The following SPTBN5 variants were observed in gnomAD, a reference collection of about 807,000 sequenced individuals.
The protein encoded by SPTBN5 is spectrin beta, non-erythrocytic 5.
Under a neutral mutation model 477.6 loss-of-function variants are expected in SPTBN5, and 513 were observed. The observed-to-expected ratio is 1.07, with a 90% CI of 1.00 to 1.16. The LOEUF (loss-of-function observed/expected upper bound fraction) is 1.16. SPTBN5 is among the 50% of genes most tolerant of loss of function. The pLI is 0.00. For missense variants in SPTBN5, 5,062 were observed against 4,731.8 expected, an observed-to-expected ratio of 1.07 and a Z score of -2.05; for synonymous variants, 2,169 against 2,011.7, an observed-to-expected ratio of 1.08 and a Z score of -2.09.
intron 11 of SPTBN5, 37 bp downstream of exon 11, chr15:41,882,232 G>GGCCCCCCCCCCCCCCCC: frequency 2.4e-6 from 3 of 1,254,126 alleles, no homozygotes; most frequent in Non-Finnish European, 3.2e-6. Flanking sequence ...GCCTCGCCGG[G>GGCCCCCCCCCCCCCCCC]CCCCGCCCCC....
chr15:41,853,239 C>T lies in SPTBN5; in HGVS notation c.10170+19G>A, dbSNP rs1416969244. 1.1e-5 allele frequency: 17 copies of T among 1,569,436 alleles called. No homozygotes were observed. Among genetic ancestry groups the T allele is most frequent in the Non-Finnish European group, 1.5e-5 (17 of 1,150,022 alleles). On this transcript the variant is annotated intron_variant, in intron 59 of 67. Coordinates refer to ENST00000320955, the MANE Select transcript of SPTBN5 (RefSeq NM_016642.4). ...CTGTATCCCCAGCCCAACCCCAGGC[C>T]CACCCTCTGAGTTCACACCTCCGCA... is the stretch of plus-strand genomic sequence containing the variant.
intron 61 of SPTBN5, 38 bp from the exon 62 acceptor site, chr15:41,852,354 C>T (rs757580218): frequency 2.0e-5 from 30 of 1,523,152 alleles, no homozygotes; most frequent in Non-Finnish European, 2.6e-5. Context: ...TGAGCCAGGT[C>T]AGGGAGACCA....
chr15:41,851,251 G>A lies in SPTBN5; in HGVS notation c.10743+32C>T, dbSNP rs766056681. On this transcript the variant is annotated intron_variant, in intron 64 of 67. Transcript: ENST00000320955. The stretch of plus-strand genomic sequence containing the variant: ...CCTCTGCCTTGCTTCCCAGCACCCT[G>A]ATGTCTGCATCTCCCCTACCCCGCC... 8 of 1,552,522 alleles carry A rather than the reference G, an allele frequency of 5.2e-6. No homozygotes were observed. The African/African-American group carries it at 6.8e-5, about 13-fold the overall frequency.
At position 41,862,578 on chromosome 15, in the gene SPTBN5, G is replaced by A; in HGVS notation, c.7346C>T (p.Ala2449Val). Residue 2449 changes from alanine (A) to valine (V), a missense_variant, in exon 43 of 68, where the codon GCT (alanine) becomes GTT (valine). Physicochemically the swap from Ala to Val is moderately conservative, Grantham distance 64. Transcript: ENST00000320955. ...GCTCCGGAGCTGCCACCAGCTCTCA[G>A]CCACCTCCTGCTGCCTGTGCCTGAG... ...HGLRHRQQEV[A>V]ESWWQLRSRA... 7 of 1,558,986 alleles carry A rather than the reference G, an allele frequency of 4.5e-6. No homozygotes were observed. Among genetic ancestry groups the A allele is most frequent in the Non-Finnish European group, 6.1e-6 (7 of 1,152,250 alleles).
At chr15:41,849,384 T>TG (rs1232183582) in intron 67 of SPTBN5, among the ~76,000 whole-genome samples, 1 of 152,070 alleles carries the variant, frequency 6.6e-6, no homozygotes, top group Non-Finnish European at 1.5e-5. Flanking sequence ...GAGTGGGGAT[T>TG]GGGGAAAGCA....
At chr15:41,887,132 G>T in intron 6 of SPTBN5, 81 bp downstream of exon 6, 1 of 1,306,080 alleles carries the variant, frequency 7.7e-7, no homozygotes, top group Non-Finnish European at 1.1e-6. Flanking sequence ...CACACAGCTA[G>T]TACGTGGCAG....
chr15:41,889,944 G>A, intron 4 of SPTBN5, 145 bp downstream of exon 4: 1 of 611,632 alleles, frequency 1.6e-6, no homozygotes, highest in South Asian at 2.0e-5. Flanking sequence ...CCCATGGTTG[G>A]AGAGTGAATA....
chr15:41,862,075 G>C (rs904378998), intron 44 of SPTBN5, 55 bp downstream of exon 44: 1 of 1,393,428 alleles, frequency 7.2e-7, no homozygotes, highest in African/African-American at 1.4e-5. Context: ...AGAGGAAGGG[G>C]AGGGCAGGGC....
chr15:41,852,635 T>C lies in SPTBN5; in HGVS notation c.10448A>G (p.Glu3483Gly), dbSNP rs1361123450. 3.1e-6 allele frequency: 5 copies of C among 1,613,068 alleles called. No homozygotes were observed. Residue 3483 changes from glutamate (E) to glycine (G), a missense_variant and splice_region_variant, in exon 61 of 68, where the codon GAG (glutamate) becomes GGG (glycine). Physicochemically the swap from Glu to Gly is moderately conservative, Grantham distance 98. Coordinates refer to ENST00000320955, the MANE Select transcript of SPTBN5 (RefSeq NM_016642.4). ...GCCCCTAGCCGAGGCAGTCGTCACC[T>C]CTGTCTTTTGCATTTGGGCAAACTT... ...EEKFAQMQKT[E>G]MEQELLLQPQ...
chr15:41,890,037 G>T, intron 4 of SPTBN5, 52 bp downstream of exon 4: 1 of 1,233,470 alleles, frequency 8.1e-7, no homozygotes, highest in Non-Finnish European at 1.2e-6. Flanking sequence ...CTGAGGTGAG[G>T]CCAGGGCTGG....
chr15:41,884,196 C>T (rs1250556101), intron 7 of SPTBN5, among the ~76,000 whole-genome samples: 2 of 152,142 alleles, frequency 1.3e-5, no homozygotes, highest in Non-Finnish European at 1.5e-5. Flanking sequence ...CTGTGTTAGC[C>T]AGGATGGTCT....
rs1253648279 is a variant in SPTBN5 at position 41,852,959 on chromosome 15, C to T, written c.10212G>A (p.Glu3404=). Residue 3404 remains glutamate, a synonymous_variant, in exon 60 of 68, where the codon GAG becomes GAA. Transcript: ENST00000320955. ...CLQELEGRLQ[E]LEEAWALRWQ... The stretch of plus-strand genomic sequence containing the variant: ...AGCGCAGGGCCCAAGCCTCCTCCAG[C>T]TCCTGCAGCCGCCCTTCCAGCTCCT... The T allele has an allele frequency of 2.6e-6, 4 of 1,568,608 alleles. No homozygotes were observed. The highest frequency in any genetic ancestry group is 1.7e-4 in the Middle Eastern group (1 of 5,790).
chr15:41,881,953 G>C lies in SPTBN5; in HGVS notation c.2440C>G (p.Arg814Gly). 6.5e-7 allele frequency: 1 copy of C among 1,529,118 alleles called. No individual in the cohort carries two copies. The highest frequency in any genetic ancestry group is 8.7e-7 in the Non-Finnish European group (1 of 1,147,168). The allele number at this position is 1,529,118 out of a possible 1,614,324, so 94.7% of individuals were successfully genotyped here. The change falls in exon 12 of 68, where the codon CGG becomes GGG. Residue 814 changes from arginine to glycine, a missense_variant. Transcript: ENST00000320955. Reference sequence around the variant, plus strand: ...GTCCTCACCGTGAATAACGACGCCCGGGCCGAGGCCGCCCGCCCCTGCTCC... The same window carrying C: ...GTCCTCACCGTGAATAACGACGCCCCGGCCGAGGCCGCCCGCCCCTGCTCC... ...LEEQGRAASA[R>G]ASLFTVNSAL... is the part of the protein sequence containing the mutation.
chr15:41,853,466 A>T lies in SPTBN5; in HGVS notation c.9981-19T>A. 3 of 1,554,446 alleles carry T rather than the reference A, an allele frequency of 1.9e-6. No individual in the cohort carries two copies. The highest frequency in any genetic ancestry group is 2.6e-6 in the Non-Finnish European group (3 of 1,142,250). ...CCATGCTCTGTGGGGCAGGGAAGGG[A>T]GCTGTTGTCAGGGCTGGCTGGGGAG... On this transcript the variant is annotated intron_variant, in intron 58 of 67. Coordinates refer to ENST00000320955, the MANE Select transcript of SPTBN5 (RefSeq NM_016642.4).
In SPTBN5 at chr15:41,866,117, C is replaced by G. The variant is rs1324935776; in HGVS notation, c.6743G>C (p.Gly2248Ala). 1 of 1,557,998 alleles carries G rather than the reference C, an allele frequency of 6.4e-7. No homozygotes were observed. Among genetic ancestry groups the G allele is most frequent in the Admixed American group, 1.9e-5 (1 of 52,114 alleles). Reference protein sequence around the residue: ...EDLRQAMALRGQELEDRRNFL... With the variant: ...EDLRQAMALRAQELEDRRNFL... ...GTTCCGCCTGTCCTCCAGCTCCTGG[C>G]CCCTGAGGGCCATTGCCTGCCTCAG... Residue 2248 changes from glycine (G) to alanine (A), a missense_variant, in exon 38 of 68, where the codon GGC becomes GCC. By Grantham distance (60) the Gly-to-Ala change is moderately conservative. Coordinates refer to ENST00000320955, the MANE Select transcript of SPTBN5 (RefSeq NM_016642.4).
chr15:41,851,289 T>G lies in SPTBN5; in HGVS notation c.10737A>C (p.Ala3579=). The change falls in exon 64 of 68, where the codon GCA becomes GCC. Residue 3579 remains alanine (A), a synonymous_variant. Transcript: ENST00000320955. ...CCCCTACCCCGCCTGGTACCTCCGC[T>G]GCCATCCTCTCATCCAGGAACAGGC... ...SLSLFLDERM[A]AEKVASIALL... 1 of 1,551,282 alleles carries G rather than the reference T, an allele frequency of 6.4e-7. No homozygotes were observed. The highest frequency in any genetic ancestry group is 2.4e-5 in the East Asian group (1 of 40,904).
chr15:41,880,204 G>A lies in SPTBN5; in HGVS notation c.2767C>T (p.Gln923Ter). The A allele has an allele frequency of 6.2e-7, 1 of 1,605,432 alleles. No homozygotes were observed. Among genetic ancestry groups the A allele is most frequent in the Non-Finnish European group, 8.5e-7 (1 of 1,176,544 alleles). ...ACCTCCAGGGTGTCAGCCTGGGGCT[G>A]CACCCTTTGGAGCAGCACTGTCTGC... ...EKQTVLLQRVQPQADTLEVMQ... is the reference protein window; with the variant it reads ...EKQTVLLQRV The change falls in exon 14 of 68, where the codon CAG (glutamine) becomes TAG (stop). Residue 923 changes from glutamine to a stop codon, truncating the protein, a stop_gained. Transcript: ENST00000320955. LOFTEE classifies it high-confidence loss of function.
chr15:41,853,828 G>A, intron 57 of SPTBN5, 41 bp from the exon 58 acceptor site: 2 of 1,506,840 alleles, frequency 1.3e-6, no homozygotes, highest in African/African-American at 1.4e-5. Flanking sequence ...TCCCCCCACT[G>A]AGCCGATGCG....
In SPTBN5 at chr15:41,868,444, T is replaced by A; in HGVS notation, c.6011A>T (p.Gln2004Leu). 1 of 1,609,624 alleles carries A rather than the reference T, an allele frequency of 6.2e-7. No individual in the cohort carries two copies. The highest frequency in any genetic ancestry group is 8.5e-7 in the Non-Finnish European group (1 of 1,177,956). The change falls in exon 33 of 68, where the codon CAG becomes CTG. Residue 2004 changes from glutamine (Q) to leucine (L), a missense_variant. Gln to Leu is a moderately radical substitution (Grantham distance 113, BLOSUM62 -2). Transcript: ENST00000320955. ...AREKLWQQAT[Q>L]LGQQALLAAG... ...AGCAAGAAGTGCCTGCTGCCCCAGC[T>A]GGGTGGCCTGCTGCCACAGCTTCTC...
Sources: gnomAD v4.1 joint callset for allele counts (sites outside exome capture counted in the v4.1 genomes callset) on GRCh38, gnomAD v4.1.1 for gene constraint, MANE v1.5 for transcripts, NCBI Gene and HGNC (gene_info 2026-07-23, HGNC 2026-07-21) for gene names.